The following TBCD variants were observed in gnomAD, a reference collection of about 807,000 sequenced individuals.
TBCD encodes the protein tubulin-specific chaperone D.
Under a neutral mutation model 169.3 loss-of-function variants are expected in TBCD, and 105 were observed. That is an observed-to-expected ratio of 0.62 (90% CI 0.53 to 0.73). The LOEUF (loss-of-function observed/expected upper bound fraction) is 0.73. Ranked by LOEUF, TBCD falls within the 30% of genes least tolerant of loss-of-function variation. TBCD has a pLI of 0.00. For missense variants in TBCD, 1,444 were observed against 1,600.1 expected (o/e 0.90, Z 1.66); for synonymous variants, 700 against 643.9 (o/e 1.09, Z -1.32).
chr17:82,756,304 GC>G, intron 2 of TBCD, 89 bp downstream of exon 2: 1 of 1,344,228 alleles, frequency 7.4e-7, no homozygotes, highest in Non-Finnish European at 1.0e-6. Context: ...CATGTGCTTT[GC>G]CAGGATCAAA....
At chr17:82,902,272 G>A (rs146345297) in intron 18 of TBCD, among the ~76,000 whole-genome samples, 4 of 152,314 alleles carry the variant, frequency 2.6e-5, no homozygotes, top group African/African-American at 9.6e-5. Flanking sequence ...CTGGATAAAC[G>A]TGGTAGATCT....
intron 6 of TBCD, among the ~76,000 whole-genome samples, chr17:82,780,732 C>T (rs2048893651): frequency 6.7e-6 from 1 of 148,290 alleles, no homozygotes; most frequent in African/African-American, 2.5e-5. Context: ...GCAACCTCCG[C>T]CTCCCGGGTT....
At position 82,875,650 on chromosome 17, in the gene TBCD, C is replaced by T. The variant is rs79231448; in HGVS notation, c.1475+5270C>T. On this transcript the variant is annotated intron_variant, in intron 14 of 38. Coordinates refer to ENST00000355528, the MANE Select transcript of TBCD (RefSeq NM_005993.5). ...GCCTGCAGATCCGAGATCTCTTCCT[C>T]GGGGGCAGGATTGTCCTGGAAAATC... Among the ~76,000 whole-genome samples, 551 of 152,322 alleles carry T rather than the reference C, an allele frequency of 3.6e-3. 4 individuals carry two copies. Among genetic ancestry groups the T allele is most frequent in the African/African-American group, 0.011 (468 of 41,576 alleles).
intron 13 of TBCD, among the ~76,000 whole-genome samples, chr17:82,823,331 TGGC>T (rs1345872334): frequency 6.6e-6 from 1 of 152,232 alleles, no homozygotes; most frequent in Non-Finnish European, 1.5e-5. Flanking sequence ...CGTCCTGACA[TGGC>T]CCCAGTGTCC....
intron 36 of TBCD, 75 bp from the exon 37 acceptor site, chr17:82,939,292 G>A (rs1187786822): frequency 6.6e-6 from 8 of 1,220,740 alleles, no homozygotes; most frequent in Admixed American, 2.0e-5. Context: ...GGGCTCCCTG[G>A]CCTGGGTCCT....
At chr17:82,892,739 G>A (rs2059227849) in intron 16 of TBCD, among the ~76,000 whole-genome samples, 1 of 152,192 alleles carries the variant, frequency 6.6e-6, no homozygotes, top group Non-Finnish European at 1.5e-5. Context: ...CCCTGCTGTG[G>A]TTTATAGCTG....
rs2053622853 is a variant in TBCD, at chr17:82,832,687, A to T, written c.1318+17753A>T. On this transcript the variant is annotated intron_variant, in intron 13 of 38. Transcript: ENST00000355528. The surrounding 1 kb of genome is among the most constrained non-coding windows in gnomAD (Gnocchi z 4.9). Reference sequence around the variant, plus strand: ...CAGGACAGCGAGTGAGGGGTCGGCGAGAAGCCGGCCTCGGCTCGCCACAGT... The same window carrying T: ...CAGGACAGCGAGTGAGGGGTCGGCGTGAAGCCGGCCTCGGCTCGCCACAGT... The T allele has an allele frequency of 1.7e-6, 1 of 578,240 alleles. No individual in the cohort carries two copies. Among genetic ancestry groups the T allele is most frequent in the Non-Finnish European group, 3.1e-6 (1 of 325,398 alleles). The allele number at this position is 578,240 out of a possible 1,614,324, so 35.8% of individuals were successfully genotyped here.
In TBCD at chr17:82,893,557, C is replaced by T. The variant is rs781009709; in HGVS notation, c.1574C>T (p.Pro525Leu). The change falls in exon 17 of 39, where the codon CCT becomes CTT. Residue 525 changes from proline to leucine, a missense_variant. Transcript: ENST00000355528. ...QENVGRQGTF[P>L]HGIDILTTAD... ...CCACTTTCTTATTAGGGCACTTTCC[C>T]TCATGGTATTGATATTTTGACCACA... 6.2e-7 allele frequency: 1 copy of T among 1,608,936 alleles called. No individual in the cohort carries two copies. The highest frequency in any genetic ancestry group is 8.5e-7 in the Non-Finnish European group (1 of 1,177,966).
In TBCD at chr17:82,752,214, G is replaced by C. The variant is rs768875605; in HGVS notation, c.21G>C (p.Pro7=). The change falls in exon 1 of 39, where the codon CCG becomes CCC. Residue 7 remains proline (P), a synonymous_variant. Coordinates refer to ENST00000355528, the MANE Select transcript of TBCD (RefSeq NM_005993.5). MALSDE[P]AAGGPEEEAE... ...CCGAGATGGCCCTGAGCGACGAACC[G>C]GCCGCGGGCGGCCCCGAGGAGGAGG... 7.9e-6 allele frequency: 12 copies of C among 1,522,398 alleles called. No individual in the cohort carries two copies. The South Asian group carries it at 1.3e-4, about 17-fold the overall frequency. 94.3% of individuals were successfully genotyped at this position (1,522,398 alleles called of 1,614,324 possible).
intron 27 of TBCD, among the ~76,000 whole-genome samples, chr17:82,925,298 C>G (rs1298504962): frequency 3.3e-5 from 5 of 152,202 alleles, no homozygotes; most frequent in Non-Finnish European, 7.3e-5. Context: ...AAGCTGAATT[C>G]TGGGAGGGAG....
chr17:82,862,644 A>T (rs1267262266), intron 13 of TBCD, among the ~76,000 whole-genome samples: 2 of 152,132 alleles, frequency 1.3e-5, no homozygotes, highest in Non-Finnish European at 2.9e-5. Flanking sequence ...TTTCGATCTG[A>T]GGGTTATTTC....
intron 13 of TBCD, among the ~76,000 whole-genome samples, chr17:82,841,346 C>G (rs576804179): frequency 3.9e-4 from 59 of 150,370 alleles, no homozygotes; most frequent in Non-Finnish European, 7.2e-4. Flanking sequence ...GAGACAGGGT[C>G]TTGCCCTGTC....
chr17:82,763,905 G>T, intron 2 of TBCD, 60 bp from the exon 3 acceptor site: 1 of 1,433,934 alleles, frequency 7.0e-7, no homozygotes. Flanking sequence ...ACACCTGGCC[G>T]GCCTCAATGT....
At chr17:82,859,341 C>G (rs1220950141) in intron 13 of TBCD, among the ~76,000 whole-genome samples, 1 of 149,610 alleles carries the variant, frequency 6.7e-6, no homozygotes, top group Non-Finnish European at 1.5e-5. Flanking sequence ...TCTGTGTCCT[C>G]CCTACACTGA....
chr17:82,843,790 C>T (rs558167249), intron 13 of TBCD, among the ~76,000 whole-genome samples: 39 of 152,294 alleles, frequency 2.6e-4, no homozygotes, highest in African/African-American at 7.5e-4. Flanking sequence ...GATCATTTAA[C>T]GAGTTTTGAC....
intron 10 of TBCD, 21 bp from the exon 11 acceptor site, chr17:82,807,587 A>G (rs748602956): frequency 1.4e-5 from 21 of 1,490,100 alleles, no homozygotes; most frequent in Non-Finnish European, 1.9e-5. Context: ...TCTGTCACGC[A>G]TCACCTTCCT....
intron 13 of TBCD, among the ~76,000 whole-genome samples, chr17:82,824,238 G>A (rs2052644707): frequency 2.0e-5 from 3 of 151,902 alleles, no homozygotes; most frequent in Non-Finnish European, 4.4e-5. Flanking sequence ...CTGGAGTGCA[G>A]TGGTGCGATC....
chr17:82,765,378 C>G (rs2047963950), intron 3 of TBCD, among the ~76,000 whole-genome samples: 2 of 108,666 alleles, frequency 1.8e-5, no homozygotes, highest in Non-Finnish European at 3.8e-5. Flanking sequence ...TGCTCATAGT[C>G]TGCTTTTCTT....
intron 13 of TBCD, among the ~76,000 whole-genome samples, chr17:82,842,780 C>CTTTTTTTTT (rs375870095): frequency 3.1e-5 from 4 of 129,898 alleles, no homozygotes; most frequent in Non-Finnish European, 4.9e-5. Flanking sequence ...TTCTTTCTTT[C>CTTTTTTTTT]TTTTTTTTTT....
Sources: allele counts gnomAD v4.1 joint callset (sites outside exome capture counted in the v4.1 genomes callset), GRCh38; gene constraint gnomAD v4.1.1; non-coding constraint Gnocchi (gnomAD v3.1); transcripts MANE v1.5; gene names NCBI Gene and HGNC (gene_info 2026-07-23, HGNC 2026-07-21).